Variants in SMYD3 observed in about 807,000 individuals in gnomAD.
SMYD3 encodes SET and MYND domain containing 3.
A neutral mutation model predicts 57.7 loss-of-function variants in SMYD3; 36 were observed. The ratio of observed to expected loss-of-function variants is 0.62; its 90% confidence interval spans 0.48 to 0.82. SMYD3 has a LOEUF of 0.82. Ranked by LOEUF, SMYD3 falls within the 40% of genes least tolerant of loss-of-function variation. SMYD3 has a pLI of 0.00. For missense variants in SMYD3, 515 were observed against 538.8 expected (o/e 0.96, Z 0.44); for synonymous variants, 211 against 195.0 (o/e 1.08, Z -0.68).
At chr1:246,493,333 TAGG>T (rs1258997225) in intron 1 of SMYD3, among the ~76,000 whole-genome samples, 1 of 151,082 alleles carries the variant, frequency 6.6e-6, no homozygotes, top group Non-Finnish European at 1.5e-5. Context: ...GAAAGAGGAG[TAGG>T]AGGAGGCAGC....
intron 1 of SMYD3, among the ~76,000 whole-genome samples, chr1:246,382,067 T>C (rs368168843): frequency 0.075 from 2,999 of 39,996 alleles, 34 homozygotes; most frequent in African/African-American, 0.13. Context: ...AGGCCAACCG[T>C]GGGCTCCAGG....
intron 2 of SMYD3, among the ~76,000 whole-genome samples, chr1:246,346,155 G>A (rs1298277323): frequency 6.6e-6 from 1 of 152,074 alleles, no homozygotes; most frequent in Non-Finnish European, 1.5e-5. Flanking sequence ...GTGGTGGCGG[G>A]CACCTGTAGT....
intron 5 of SMYD3, among the ~76,000 whole-genome samples, chr1:246,103,381 T>G (rs369098553): frequency 6.6e-6 from 1 of 152,046 alleles, no homozygotes; most frequent in Non-Finnish European, 1.5e-5. Context: ...GCAAAAATTA[T>G]CTGTATCTTC....
chr1:245,904,957 G>A (rs573605017), intron 8 of SMYD3, among the ~76,000 whole-genome samples: 8 of 151,866 alleles, frequency 5.3e-5, no homozygotes, highest in Admixed American at 2.6e-4. Context: ...ATTCCAGACC[G>A]TAGCTCCCAG....
intron 10 of SMYD3, among the ~76,000 whole-genome samples, chr1:245,813,078 G>C (rs1185460089): frequency 7.1e-6 from 1 of 141,782 alleles, no homozygotes; most frequent in Admixed American, 7.4e-5. Context: ...GCAGTGGCGC[G>C]ATCTCAGCTC....
At chr1:246,029,673 GAAAAAAAA>G (rs34698516) in intron 5 of SMYD3, among the ~76,000 whole-genome samples, 2 of 88,154 alleles carry the variant, frequency 2.3e-5, no homozygotes, top group African/African-American at 6.7e-5. Flanking sequence ...CTCTGTCTCA[GAAAAAAAA>G]AAAAAAAAAG....
intron 1 of SMYD3, among the ~76,000 whole-genome samples, chr1:246,435,963 A>T (rs1196096277): frequency 2.0e-5 from 3 of 152,184 alleles, no homozygotes; most frequent in Non-Finnish European, 4.4e-5. Flanking sequence ...TCTTTGTATC[A>T]CGGGTTCCAG....
intron 1 of SMYD3, among the ~76,000 whole-genome samples, chr1:246,458,613 ATTTTTTTTTT>A (rs74163446): frequency 1.3e-4 from 6 of 46,876 alleles, no homozygotes; most frequent in Non-Finnish European, 2.2e-4. Context: ...CGCCTGGCTG[ATTTTTTTTTT>A]TTTTTTTTTT....
At chr1:245,912,953 G>A (rs1391967040) in intron 8 of SMYD3, among the ~76,000 whole-genome samples, 1 of 152,202 alleles carries the variant, frequency 6.6e-6, no homozygotes, top group African/African-American at 2.4e-5. Flanking sequence ...AAACAGTGTG[G>A]CGATTCCTCA....
intron 5 of SMYD3, among the ~76,000 whole-genome samples, chr1:246,199,774 G>A (rs543838281): frequency 4.4e-4 from 67 of 152,384 alleles, no homozygotes; most frequent in African/African-American, 1.5e-3. Flanking sequence ...ATTCCTAGAA[G>A]AGAACAGCAT....
At chr1:245,957,073 T>G (rs1178797978) in intron 5 of SMYD3, among the ~76,000 whole-genome samples, 13 of 152,126 alleles carry the variant, frequency 8.5e-5, no homozygotes, top group Non-Finnish European at 1.9e-4. Flanking sequence ...AAACCACCAA[T>G]AGGCATGTAT....
At chr1:246,268,507 G>C (rs1201326395) in intron 5 of SMYD3, among the ~76,000 whole-genome samples, 3 of 135,872 alleles carry the variant, frequency 2.2e-5, no homozygotes. Context: ...AGACCATCCT[G>C]ACCAATATGG....
chr1:245,905,437 C>G (rs2054493630), intron 8 of SMYD3, among the ~76,000 whole-genome samples: 1 of 152,186 alleles, frequency 6.6e-6, no homozygotes, highest in South Asian at 2.1e-4. Context: ...TGGCAGTAAT[C>G]TGGCAATACT....
chr1:246,258,771 C>A (rs2063944112), intron 5 of SMYD3, among the ~76,000 whole-genome samples: 1 of 152,188 alleles, frequency 6.6e-6, no homozygotes, highest in African/African-American at 2.4e-5. Context: ...ACCTCTCTAG[C>A]AAGCTTAGGG....
intron 1 of SMYD3, among the ~76,000 whole-genome samples, chr1:246,431,222 A>T (rs1366203250): frequency 1.3e-5 from 2 of 152,348 alleles, no homozygotes; most frequent in South Asian, 4.1e-4. Context: ...TAATCAAAAA[A>T]AAGAAAAAAA....
At chr1:246,175,419 CT>C (rs1371949474) in intron 5 of SMYD3, among the ~76,000 whole-genome samples, 4 of 152,108 alleles carry the variant, frequency 2.6e-5, no homozygotes, top group Non-Finnish European at 5.9e-5. Flanking sequence ...TAACTGTCTG[CT>C]TATTAAACAA....
At chr1:245,824,580 G>A (rs916984538) in intron 10 of SMYD3, among the ~76,000 whole-genome samples, 3 of 152,152 alleles carry the variant, frequency 2.0e-5, no homozygotes, top group Non-Finnish European at 2.9e-5. Context: ...TAGCAGCCAG[G>A]CACGTTGGCT....
rs200792958 is a variant in SMYD3 at position 246,227,188 on chromosome 1, A to C, written c.531+100013T>G. Among the ~76,000 whole-genome samples the C allele has an allele frequency of 5.3e-5, 8 of 152,250 alleles. No homozygotes were observed. The East Asian group carries it at 1.5e-3, about 29-fold the overall frequency. On this transcript the variant is annotated intron_variant, in intron 5 of 11. Transcript: ENST00000490107. ...ATTTCATGAGAACACATCACAGTAC[A>C]TGGTTAGATGTACTTTCCACTTTTT... is the stretch of plus-strand genomic sequence containing the variant.
chr1:245,971,011 G>A (rs984859646), intron 5 of SMYD3, among the ~76,000 whole-genome samples: 6 of 152,022 alleles, frequency 3.9e-5, no homozygotes, highest in South Asian at 2.1e-4. Context: ...TGTTTATTGC[G>A]GCACTATTCA....
Sources: gnomAD v4.1 joint callset for allele counts (sites outside exome capture counted in the v4.1 genomes callset) on GRCh38, gnomAD v4.1.1 for gene constraint, MANE v1.5 for transcripts, NCBI Gene and HGNC (gene_info 2026-07-23, HGNC 2026-07-21) for gene names.